GDAP2: variants seen among roughly 807,000 people sequenced by gnomAD.
The protein encoded by GDAP2 is ganglioside-induced differentiation-associated protein 2.
GDAP2 carries 51 observed loss-of-function variants against 67.0 expected under a neutral mutation model. That is an observed-to-expected ratio of 0.76 (90% CI 0.61 to 0.96). GDAP2 has a LOEUF of 0.96. Among genes scored for constraint, GDAP2 ranks in the 40% least tolerant of loss-of-function variants. GDAP2 has a pLI of 0.00. For synonymous variants in GDAP2, 203 were observed against 207.3 expected, an observed-to-expected ratio of 0.98 and a Z score of 0.18; for missense variants, 547 against 588.3, an observed-to-expected ratio of 0.93 and a Z score of 0.73.
chr1:117,876,353 C>T (rs1319733022), intron 13 of GDAP2, among the ~76,000 whole-genome samples: 1 of 152,148 alleles, frequency 6.6e-6, no homozygotes, highest in African/African-American at 2.4e-5. Flanking sequence ...TGAGTGGAAG[C>T]AGCCTGAGTC....
intron 6 of GDAP2, among the ~76,000 whole-genome samples, chr1:117,900,977 T>A (rs1649449642): frequency 1.3e-5 from 2 of 152,204 alleles, no homozygotes. Context: ...AGAGAACGGC[T>A]TGAACCTGGG....
chr1:117,919,102 C>T (rs2359598), intron 2 of GDAP2, among the ~76,000 whole-genome samples: 2,426 of 152,224 alleles, frequency 0.016, 84 homozygotes, highest in Admixed American at 0.091. Flanking sequence ...TGGCCGGGCA[C>T]GGTGGCTCAT....
Position 117,881,889 on chromosome 1 carries a change from A to C in GDAP2, c.1248-12T>G. ...AATTCCTCTTGTACCTGATCCAAAAATAAAATGACAAAAAAAATCAGTATA... is the reference window on the plus strand; with the variant it reads ...AATTCCTCTTGTACCTGATCCAAAACTAAAATGACAAAAAAAATCAGTATA... On this transcript the variant is annotated splice_polypyrimidine_tract_variant and intron_variant, in intron 11 of 13. Coordinates refer to ENST00000369443, the MANE Select transcript of GDAP2 (RefSeq NM_017686.4). 6.7e-7 allele frequency: 1 copy of C among 1,488,776 alleles called. No homozygotes were observed. Among genetic ancestry groups the C allele is most frequent in the Non-Finnish European group, 9.4e-7 (1 of 1,065,920 alleles). The allele number at this position is 1,488,776 out of a possible 1,614,324, so 92.2% of individuals were successfully genotyped here.
chr1:117,886,351 A>G (rs1477342360), intron 10 of GDAP2, among the ~76,000 whole-genome samples: 3 of 152,168 alleles, frequency 2.0e-5, no homozygotes, highest in Non-Finnish European at 4.4e-5. Flanking sequence ...GTGGTTTTGG[A>G]GATCACATTA....
intron 13 of GDAP2, among the ~76,000 whole-genome samples, chr1:117,876,600 T>C (rs1233167075): frequency 6.6e-6 from 1 of 152,184 alleles, no homozygotes; most frequent in Non-Finnish European, 1.5e-5. Context: ...AAGTGTTAGA[T>C]TATAAGTTAG....
chr1:117,877,972 C>T (rs369706594), intron 13 of GDAP2, 37 bp downstream of exon 13: 6 of 1,610,972 alleles, frequency 3.7e-6, no homozygotes, highest in Non-Finnish European at 4.2e-6. Context: ...AGTTAATATA[C>T]CATACCAGGT....
Position 117,916,611 on chromosome 1 carries a change from A to C in GDAP2, c.316+1986T>G, listed in dbSNP as rs576685269. Among the ~76,000 whole-genome samples the C allele has an allele frequency of 2.2e-4, 33 of 152,330 alleles. 1 individual carries two copies. In the South Asian group the frequency reaches 6.6e-3, roughly 31 times the overall value. On this transcript the variant is annotated intron_variant, in intron 3 of 13. Coordinates refer to ENST00000369443, the MANE Select transcript of GDAP2 (RefSeq NM_017686.4). ...AGTCTAGGCAGGGAATGATGGTTGCATATGCTAGTTGCTGGAGACAATGGT... is the reference window on the plus strand; with the variant it reads ...AGTCTAGGCAGGGAATGATGGTTGCCTATGCTAGTTGCTGGAGACAATGGT...
Position 117,864,948 on chromosome 1 carries a change from G to C in GDAP2, c.*5621C>G, listed in dbSNP as rs1648011307. ...AGTTCTGTCTCCTTTCCTTGAAAGA[G>C]AAAATCTGGAAGCTAAATGCAGTCT... On this transcript the variant is annotated 3_prime_UTR_variant, in exon 14 of 14. Transcript: ENST00000369443. The C allele has an allele frequency of 6.6e-6, 1 of 152,184 alleles. No homozygotes were observed. Among genetic ancestry groups the C allele is most frequent in the Admixed American group, 6.6e-5 (1 of 15,264 alleles). 9.4% of individuals were successfully genotyped at this position (152,184 alleles called of 1,614,324 possible).
Position 117,924,458 on chromosome 1 carries a change from G to A in GDAP2, c.-67-4034C>T, listed in dbSNP as rs527746271. On this transcript the variant is annotated intron_variant, in intron 1 of 13. Transcript: ENST00000369443. ...CCATCTATGTTGCTGCAAAGGACAT[G>A]ATCTCATGAAGTTTTTTGAGAAGTT... is the stretch of plus-strand genomic sequence containing the variant. Among the ~76,000 whole-genome samples, 236 of 152,276 alleles carry A rather than the reference G, an allele frequency of 1.5e-3. 1 individual carries two copies. The highest frequency in any genetic ancestry group is 1.5e-3 in the Non-Finnish European group (105 of 68,020).
At position 117,867,851 on chromosome 1, in the gene GDAP2, C is replaced by T. The variant is rs1040418760; in HGVS notation, c.*2718G>A. Reference sequence around the variant, plus strand: ...TTTTTTAAGAGGTAATTTTCACTATCAAGAAACTTGGATATAGATGAATTA... The same window carrying T: ...TTTTTTAAGAGGTAATTTTCACTATTAAGAAACTTGGATATAGATGAATTA... On this transcript the variant is annotated 3_prime_UTR_variant, in exon 14 of 14. Transcript: ENST00000369443. 9.2e-5 allele frequency: 14 copies of T among 152,136 alleles called. No individual in the cohort carries two copies. Among genetic ancestry groups the T allele is most frequent in the African/African-American group, 3.1e-4 (13 of 41,424 alleles). 9.4% of individuals were successfully genotyped at this position (152,136 alleles called of 1,614,324 possible). A position where few individuals can be genotyped will look rare whatever the true frequency, so the allele number is the denominator to read the frequency against.
chr1:117,910,084 C>T (rs1649801223), intron 5 of GDAP2, among the ~76,000 whole-genome samples: 1 of 151,948 alleles, frequency 6.6e-6, no homozygotes. Flanking sequence ...CGTTAGGTAC[C>T]ATTTAGAAGA....
chr1:117,898,732 AG>A (rs1415113063), intron 7 of GDAP2, among the ~76,000 whole-genome samples: 1 of 152,192 alleles, frequency 6.6e-6, no homozygotes, highest in Non-Finnish European at 1.5e-5. Context: ...GGATACTGAA[AG>A]CTGTTTAAAA....
rs41276592 is a variant in GDAP2, at chr1:117,869,942, G to A, written c.*627C>T. The A allele has an allele frequency of 0.013, 2,038 of 152,398 alleles. 37 individuals are homozygous for A. Among genetic ancestry groups the A allele is most frequent in the South Asian group, 0.094 (453 of 4,830 alleles). 9.4% of individuals were successfully genotyped at this position (152,398 alleles called of 1,614,324 possible). A position where few individuals can be genotyped will look rare whatever the true frequency, so the allele number is the denominator to read the frequency against. ...ATCGGAACTGTGGCAATCTTAACAA[G>A]TCATATAATCCAAGGAACCTTAGTC... On this transcript the variant is annotated 3_prime_UTR_variant, in exon 14 of 14. Transcript: ENST00000369443.
chr1:117,912,457 G>A (rs2101155605), intron 4 of GDAP2, 73 bp downstream of exon 4: 1 of 1,300,174 alleles, frequency 7.7e-7, no homozygotes, highest in Non-Finnish European at 1.1e-6. Flanking sequence ...TAAAAACTGG[G>A]GCCTTTATCT....
intron 5 of GDAP2, 67 bp downstream of exon 5, chr1:117,911,927 C>A: frequency 1.2e-6 from 1 of 865,754 alleles, no homozygotes; most frequent in Non-Finnish European, 2.0e-6. Context: ...AGGTATAAGC[C>A]ACCATGCCCA....
At chr1:117,911,807 C>T (rs1557807287) in intron 5 of GDAP2, among the ~76,000 whole-genome samples, 187 bp downstream of exon 5, 2 of 150,642 alleles carry the variant, frequency 1.3e-5, no homozygotes, top group Admixed American at 6.6e-5. Context: ...ATATGTTGCT[C>T]GGGCTGGAGT....
intron 3 of GDAP2, among the ~76,000 whole-genome samples, chr1:117,914,257 A>C (rs569161167): frequency 1.1e-3 from 163 of 152,326 alleles, no homozygotes; most frequent in African/African-American, 3.0e-3. Context: ...GGGAAAAAAA[A>C]CTTAAAATCA....
intron 2 of GDAP2, 34 bp from the exon 3 acceptor site, chr1:117,918,770 G>GA: frequency 6.6e-7 from 1 of 1,512,058 alleles, no homozygotes; most frequent in Non-Finnish European, 9.0e-7. Flanking sequence ...CAAGTGTGGG[G>GA]AAAAAGAAGA....
chr1:117,909,876 T>G (rs1014998571), intron 5 of GDAP2, among the ~76,000 whole-genome samples: 3 of 152,194 alleles, frequency 2.0e-5, no homozygotes, highest in Non-Finnish European at 1.5e-5. Context: ...ACCAGTCTTC[T>G]TAACCCCCTA....
Sources: allele counts gnomAD v4.1 joint callset (sites outside exome capture counted in the v4.1 genomes callset), GRCh38; gene constraint gnomAD v4.1.1; transcripts MANE v1.5; gene names NCBI Gene and HGNC (gene_info 2026-07-23, HGNC 2026-07-21).